The following ERICH3 variants were observed in gnomAD, a reference collection of about 807,000 sequenced individuals.
The protein encoded by ERICH3 is glutamate-rich protein 3.
Under a neutral mutation model 131.1 loss-of-function variants are expected in ERICH3, and 126 were observed. That is an observed-to-expected ratio of 0.96 (90% confidence interval 0.83 to 1.11). The LOEUF (loss-of-function observed/expected upper bound fraction) is 1.11, where lower values mean the gene tolerates loss of function less well. Among genes scored for constraint, ERICH3 ranks in the 50% most tolerant of loss-of-function variants. The pLI is 0.00. For synonymous variants in ERICH3, 695 were observed against 644.6 expected (o/e 1.08, Z -1.18); for missense variants, 2,050 against 1,810.7 (o/e 1.13, Z -2.40).
intron 1 of ERICH3, among the ~76,000 whole-genome samples, chr1:74,668,553 C>A (rs1646712487): frequency 1.3e-5 from 2 of 152,158 alleles, no homozygotes; most frequent in Admixed American, 1.3e-4. Flanking sequence ...TGTGTCTGAT[C>A]ACTATGTGAT....
chr1:74,654,791 A>C (rs537585474), intron 1 of ERICH3, among the ~76,000 whole-genome samples: 2 of 152,274 alleles, frequency 1.3e-5, no homozygotes, highest in East Asian at 3.9e-4. Flanking sequence ...TGTAGATGAG[A>C]AAAACAAGCC....
rs148831601 is a variant in ERICH3, at chr1:74,593,775, G to A, written c.1727-3695C>T. ...TCTATTTTGAGATCCAGAAAGAGAG[G>A]TCCAAAGAGGTTCAACAGTACCCAA... On this transcript the variant is annotated intron_variant, in intron 11 of 14. Coordinates refer to ENST00000326665, the MANE Select transcript of ERICH3 (RefSeq NM_001002912.5). Among the ~76,000 whole-genome samples, 1,123 of 152,184 alleles carry A rather than the reference G, an allele frequency of 7.4e-3. 12 individuals carry two copies. The highest frequency in any genetic ancestry group is 0.025 in the African/African-American group (1,047 of 41,546).
chr1:74,672,369 T>C (rs934706746), intron 1 of ERICH3, among the ~76,000 whole-genome samples: 9 of 152,240 alleles, frequency 5.9e-5, no homozygotes, highest in Admixed American at 5.2e-4. Flanking sequence ...AAAAAGTTTA[T>C]GTAATCATAG....
chr1:74,658,114 G>A (rs1003954212), intron 1 of ERICH3, among the ~76,000 whole-genome samples: 1 of 152,116 alleles, frequency 6.6e-6, no homozygotes, highest in Non-Finnish European at 1.5e-5. Context: ...AGAGTGGTTA[G>A]ATAACTAGTC....
At chr1:74,649,506 C>G (rs1176362617) in intron 1 of ERICH3, among the ~76,000 whole-genome samples, 191 bp from the exon 2 acceptor site, 5 of 152,018 alleles carry the variant, frequency 3.3e-5, no homozygotes, top group African/African-American at 1.2e-4. Flanking sequence ...TCTAGAAAAT[C>G]GTCCTGATTT....
intron 2 of ERICH3, 69 bp downstream of exon 2, chr1:74,649,153 C>T (rs1646510354): frequency 6.5e-6 from 7 of 1,074,606 alleles, no homozygotes; most frequent in Admixed American, 4.6e-5. Flanking sequence ...AAAGAGAAAG[C>T]CTGAAAAGGT....
At chr1:74,663,504 C>T (rs1192346981) in intron 1 of ERICH3, among the ~76,000 whole-genome samples, 2 of 151,768 alleles carry the variant, frequency 1.3e-5, no homozygotes, top group Non-Finnish European at 2.9e-5. Context: ...AAGTCAAATA[C>T]ACCCTTTCCT....
intron 8 of ERICH3, among the ~76,000 whole-genome samples, 195 bp downstream of exon 8, chr1:74,620,539 C>T (rs567937083): frequency 6.6e-6 from 1 of 152,308 alleles, no homozygotes; most frequent in African/African-American, 2.4e-5. Context: ...CTTCCACAAT[C>T]TGCGAGAGTA....
chr1:74,583,233 G>T (rs1570817686), intron 12 of ERICH3, among the ~76,000 whole-genome samples: 1 of 152,144 alleles, frequency 6.6e-6, no homozygotes, highest in South Asian at 2.1e-4. Flanking sequence ...TTGTTTGTTT[G>T]TTTGTTTTTA....
chr1:74,613,398 C>A (rs1030250523), intron 8 of ERICH3, among the ~76,000 whole-genome samples: 5 of 152,164 alleles, frequency 3.3e-5, no homozygotes, highest in African/African-American at 1.2e-4. Flanking sequence ...GTAATTTACT[C>A]AAGATCATAC....
chr1:74,641,200 G>A, intron 5 of ERICH3, 131 bp downstream of exon 5: 1 of 1,020,556 alleles, frequency 9.8e-7, no homozygotes, highest in Non-Finnish European at 1.4e-6. Flanking sequence ...ACAGATATAA[G>A]ACTATATTTT....
intron 4 of ERICH3, among the ~76,000 whole-genome samples, chr1:74,642,435 G>A (rs1646445221): frequency 6.6e-6 from 1 of 151,960 alleles, no homozygotes; most frequent in Non-Finnish European, 1.5e-5. Flanking sequence ...CAACCTAAAT[G>A]GAAATCTTGA....
intron 10 of ERICH3, 42 bp from the exon 11 acceptor site, chr1:74,599,973 C>T: frequency 1.4e-6 from 2 of 1,383,954 alleles, no homozygotes; most frequent in Non-Finnish European, 2.0e-6. Context: ...AAAATAGAAC[C>T]CCTTATACTT....
chr1:74,649,218 T>C lies in ERICH3; in HGVS notation c.117+4A>G. The C allele has an allele frequency of 6.3e-7, 1 of 1,594,218 alleles. No individual in the cohort carries two copies. The highest frequency in any genetic ancestry group is 8.6e-7 in the Non-Finnish European group (1 of 1,169,336). On this transcript the variant is annotated splice_donor_region_variant and intron_variant, in intron 2 of 14. Transcript: ENST00000326665. ...AGGTCAGTGGAAAGTAAACCAAAAC[T>C]TACCAGTCCTGATCTTAAGAGATGA...
chr1:74,578,486 C>G (rs545786777), intron 12 of ERICH3: 1 of 152,252 alleles, frequency 6.6e-6, no homozygotes, highest in South Asian at 2.1e-4. Context: ...ATTATATCAC[C>G]TCCTTGTTAA....
intron 11 of ERICH3, among the ~76,000 whole-genome samples, chr1:74,594,127 C>CAAAGCA (rs893630239): frequency 6.6e-6 from 1 of 152,066 alleles, no homozygotes; most frequent in African/African-American, 2.4e-5. Context: ...AATATGAATA[C>CAAAGCA]AAAGCAAAAG....
chr1:74,596,974 G>T (rs1647881348), intron 11 of ERICH3, among the ~76,000 whole-genome samples: 2 of 152,058 alleles, frequency 1.3e-5, no homozygotes, highest in South Asian at 4.1e-4. Context: ...GCAATTGTTT[G>T]CCCTCTGGGA....
chr1:74,649,734 A>T (rs956440946), intron 1 of ERICH3, among the ~76,000 whole-genome samples: 1 of 152,132 alleles, frequency 6.6e-6, no homozygotes, highest in African/African-American at 2.4e-5. Flanking sequence ...AAACTCTGGT[A>T]ACTCAAACTT....
intron 1 of ERICH3, among the ~76,000 whole-genome samples, chr1:74,660,806 A>T (rs1646634760): frequency 1.3e-5 from 2 of 151,858 alleles, no homozygotes; most frequent in South Asian, 4.1e-4. Context: ...AATGGTACCT[A>T]ATGGCTGTCA....
Sources: gnomAD v4.1 joint callset for allele counts (sites outside exome capture counted in the v4.1 genomes callset) on GRCh38, gnomAD v4.1.1 for gene constraint, MANE v1.5 for transcripts, NCBI Gene and HGNC (gene_info 2026-07-23, HGNC 2026-07-21) for gene names.